The following APBB2 variants were observed in gnomAD, a reference collection of about 807,000 sequenced individuals.
The protein encoded by APBB2 is amyloid beta precursor protein binding family B member 2.
Under a neutral mutation model 82.5 loss-of-function variants are expected in APBB2, and 38 were observed. That is an observed-to-expected ratio of 0.46 (90% CI 0.36 to 0.60). APBB2 has a LOEUF of 0.60. Ranked by LOEUF, APBB2 falls within the 20% of genes least tolerant of loss-of-function variation. The probability of loss-of-function intolerance (pLI) is 0.00; values close to 1 mark genes in which losing one functional copy is unlikely to be tolerated. For missense variants in APBB2, 772 were observed against 972.3 expected (o/e 0.79, Z 2.74); for synonymous variants, 341 against 368.2 (o/e 0.93, Z 0.85).
At chr4:40,947,590 T>G (rs1472888815) in intron 6 of APBB2, among the ~76,000 whole-genome samples, 3 of 152,240 alleles carry the variant, frequency 2.0e-5, no homozygotes, top group African/African-American at 4.8e-5. Flanking sequence ...TTACTAAGCT[T>G]ACGCTGAGAT....
At chr4:41,143,864 G>C (rs1279538192) in intron 1 of APBB2, among the ~76,000 whole-genome samples, 2 of 152,130 alleles carry the variant, frequency 1.3e-5, no homozygotes, top group Non-Finnish European at 2.9e-5. Context: ...AACATAACTG[G>C]GCAAAAGGAA....
chr4:41,059,408 C>A (rs919543895), intron 4 of APBB2, among the ~76,000 whole-genome samples: 2 of 152,250 alleles, frequency 1.3e-5, no homozygotes, highest in Non-Finnish European at 2.9e-5. Flanking sequence ...GCAAGCCCCC[C>A]AAAATCTGGC....
chr4:40,893,427 A>G lies in APBB2; in HGVS notation c.1255-16T>C. ...CAGCAAAACACTGGAAGACAGTGAA[A>G]GAGGACAAGAAGTCACTCCATGGTT... On this transcript the variant is annotated splice_polypyrimidine_tract_variant and intron_variant, in intron 10 of 17. Coordinates refer to ENST00000508593, the MANE Select transcript of APBB2 (RefSeq NM_004307.2). 1 of 1,599,176 alleles carries G rather than the reference A, an allele frequency of 6.3e-7. No individual in the cohort carries two copies. The highest frequency in any genetic ancestry group is 8.5e-7 in the Non-Finnish European group (1 of 1,171,258).
intron 6 of APBB2, among the ~76,000 whole-genome samples, chr4:40,982,227 AAAGAAAGAAAGAAAGAAAGAAAG>A (rs1798738439): frequency 2.5e-4 from 1 of 3,928 alleles, no homozygotes; most frequent in Non-Finnish European, 6.2e-4. Flanking sequence ...GAAAGGAAAG[AAAGAAAGAAAGAAAGAAAGAAAG>A]AAAGAAAGAA....
At position 40,944,903 on chromosome 4, in the gene APBB2, G is replaced by C; in HGVS notation, c.1006C>G (p.Leu336Val). 6.2e-7 allele frequency: 1 copy of C among 1,613,436 alleles called. No homozygotes were observed. The highest frequency in any genetic ancestry group is 8.5e-7 in the Non-Finnish European group (1 of 1,180,010). ...ADLQGSRKGSLSSVTPSPTPE... is the reference protein window; with the variant it reads ...ADLQGSRKGSVSSVTPSPTPE... ...GTGGGAGATGGCGTTACAGAACTAA[G>C]TGACCCTTTCCTAGAACCCTGGAGA... The change falls in exon 7 of 18, where the codon CTT becomes GTT. Residue 336 changes from leucine (L) to valine (V), a missense_variant. Coordinates refer to ENST00000508593, the MANE Select transcript of APBB2 (RefSeq NM_004307.2).
intron 12 of APBB2, among the ~76,000 whole-genome samples, chr4:40,854,745 C>T (rs1302395308): frequency 7.0e-6 from 1 of 143,828 alleles, no homozygotes; most frequent in African/African-American, 2.7e-5. Context: ...GCCAAGATTA[C>T]GCCACTGCAC....
intron 4 of APBB2, among the ~76,000 whole-genome samples, chr4:41,042,918 A>G (rs1303112705): frequency 6.6e-6 from 1 of 152,248 alleles, no homozygotes; most frequent in African/African-American, 2.4e-5. Flanking sequence ...TACACTAGTT[A>G]TAGCCACAAC....
chr4:41,135,169 C>CAAA (rs5857778), intron 2 of APBB2, among the ~76,000 whole-genome samples: 2 of 99,576 alleles, frequency 2.0e-5, no homozygotes, highest in African/African-American at 3.8e-5. Context: ...CTTGAGCCCT[C>CAAA]AAAAAAAAAA....
chr4:41,136,176 G>C (rs893977148), intron 2 of APBB2, among the ~76,000 whole-genome samples: 1 of 152,180 alleles, frequency 6.6e-6, no homozygotes, highest in East Asian at 1.9e-4. Flanking sequence ...CGATGGTTAA[G>C]AGGTTACTCT....
At chr4:41,010,315 T>C (rs944818290) in intron 6 of APBB2, among the ~76,000 whole-genome samples, 1 of 152,168 alleles carries the variant, frequency 6.6e-6, no homozygotes, top group African/African-American at 2.4e-5. Context: ...CAGCAACTTA[T>C]CAAGGGCCAC....
chr4:40,899,585 T>C (rs1391673769), intron 10 of APBB2, among the ~76,000 whole-genome samples: 2 of 152,206 alleles, frequency 1.3e-5, no homozygotes, highest in Non-Finnish European at 2.9e-5. Flanking sequence ...GGTTACTCAG[T>C]TGAACAGTGA....
At position 41,014,062 on chromosome 4, in the gene APBB2, T is replaced by C; in HGVS notation, c.356A>G (p.Asn119Ser). Residue 119 changes from asparagine (N) to serine (S), a missense_variant, in exon 6 of 18, where the codon AAC (asparagine) becomes AGC (serine). Physicochemically the swap from Asn to Ser is conservative, Grantham distance 46 (BLOSUM62 1). Coordinates refer to ENST00000508593, the MANE Select transcript of APBB2 (RefSeq NM_004307.2). Reference protein sequence around the residue: ...KAAEQGQQDPNKNLSPTAVIN... With the variant: ...KAAEQGQQDPSKNLSPTAVIN... ...GACTGCAGTGGGGCTCAGGTTTTTG[T>C]TGGGGTCCTGCTGCCCTTGCTCTGC... 1 of 1,614,208 alleles carries C rather than the reference T, an allele frequency of 6.2e-7. No individual in the cohort carries two copies. Among genetic ancestry groups the C allele is most frequent in the Non-Finnish European group, 8.5e-7 (1 of 1,180,036 alleles).
At chr4:40,875,027 G>A (rs540545154) in intron 12 of APBB2, among the ~76,000 whole-genome samples, 7 of 152,324 alleles carry the variant, frequency 4.6e-5, no homozygotes, top group Admixed American at 3.3e-4. Flanking sequence ...GTAGTTAAGT[G>A]TGTGAAGGCA....
intron 7 of APBB2, 94 bp downstream of exon 7, chr4:40,944,771 C>T (rs967866708): frequency 3.2e-6 from 4 of 1,239,702 alleles, no homozygotes; most frequent in Non-Finnish European, 4.7e-6. Flanking sequence ...AAAAGCTTAC[C>T]TTGATGACCT....
chr4:41,103,182 A>C (rs1746042747), intron 2 of APBB2, among the ~76,000 whole-genome samples: 1 of 152,212 alleles, frequency 6.6e-6, no homozygotes, highest in Non-Finnish European at 1.5e-5. Context: ...AACCATAGAC[A>C]CTTAAGGGTC....
chr4:41,165,822 C>T (rs945984624), intron 1 of APBB2, among the ~76,000 whole-genome samples: 3 of 152,182 alleles, frequency 2.0e-5, no homozygotes, highest in Admixed American at 2.0e-4. Context: ...AACCCCTCCA[C>T]CTGCTCGCTT....
At chr4:41,120,298 A>ATAAACCG (rs1024852986) in intron 2 of APBB2, among the ~76,000 whole-genome samples, 16 of 152,118 alleles carry the variant, frequency 1.1e-4, no homozygotes, top group African/African-American at 3.9e-4. Flanking sequence ...GCAGAATTAT[A>ATAAACCG]TAAACCGACT....
chr4:41,163,253 C>G (rs775498091), intron 1 of APBB2, among the ~76,000 whole-genome samples: 1 of 152,136 alleles, frequency 6.6e-6, no homozygotes, highest in African/African-American at 2.4e-5. Flanking sequence ...TAATGATAGA[C>G]CACATATCTG....
At chr4:40,836,954 C>T (rs1754156648) in intron 12 of APBB2, among the ~76,000 whole-genome samples, 2 of 152,192 alleles carry the variant, frequency 1.3e-5, no homozygotes, top group African/African-American at 4.8e-5. Flanking sequence ...CAAAATGTCA[C>T]CCATTAGTTT....
Sources: gnomAD v4.1 joint callset for allele counts (sites outside exome capture counted in the v4.1 genomes callset) on GRCh38, gnomAD v4.1.1 for gene constraint, MANE v1.5 for transcripts, NCBI Gene and HGNC (gene_info 2026-07-23, HGNC 2026-07-21) for gene names.